DPH6: variants seen among roughly 807,000 people sequenced by gnomAD.
The protein encoded by DPH6 is diphthine--ammonia ligase.
In DPH6, 33 loss-of-function variants were observed where a neutral mutation model predicts 38.2. The ratio of observed to expected loss-of-function variants is 0.86; its 90% CI spans 0.65 to 1.15. The LOEUF is 1.15. DPH6 is among the 50% of genes most tolerant of loss of function. The probability of loss-of-function intolerance (pLI) is 0.00; values close to 1 mark genes in which losing one functional copy is unlikely to be tolerated. For missense variants in DPH6, 325 were observed against 320.0 expected (o/e 1.02, Z -0.12); for synonymous variants, 108 against 103.0 (o/e 1.05, Z -0.30).
chr15:35,398,265 G>A (rs1470899218), intron 6 of DPH6, among the ~76,000 whole-genome samples: 21 of 152,160 alleles, frequency 1.4e-4, no homozygotes. Context: ...CTAATGAGGT[G>A]ACCCTTGGTG....
the DPH6 span, among the ~76,000 whole-genome samples, chr15:35,159,391 G>T: frequency 1.3e-4 from 20 of 151,868 alleles, no homozygotes; most frequent in Admixed American, 1.3e-3. Flanking sequence ...AATGCAGGCT[G>T]CAGTATCTCT....
At chr15:35,480,961 A>G (rs1467683529) in intron 3 of DPH6, among the ~76,000 whole-genome samples, 2 of 119,856 alleles carry the variant, frequency 1.7e-5, no homozygotes, top group Non-Finnish European at 3.4e-5. Flanking sequence ...ACATACAACC[A>G]TATGTGGGGT....
the DPH6 span, among the ~76,000 whole-genome samples, chr15:35,190,928 C>G: frequency 6.6e-6 from 1 of 152,074 alleles, no homozygotes; most frequent in Non-Finnish European, 1.5e-5. Flanking sequence ...AAAATTTCAC[C>G]TTGCAGTGGG....
chr15:35,478,829 T>C (rs1414517693), intron 3 of DPH6, among the ~76,000 whole-genome samples: 12 of 152,024 alleles, frequency 7.9e-5, no homozygotes, highest in Non-Finnish European at 1.5e-5. Context: ...AATTATTAGA[T>C]AGATAGGCTG....
chr15:35,227,284 T>C (rs113452782), intron 3 of DPH6, among the ~76,000 whole-genome samples: 39,894 of 146,836 alleles, frequency 0.27, 5,696 homozygotes, highest in African/African-American at 0.37. Flanking sequence ...CCCGGGTTCA[T>C]GCCATTCTCC....
At chr15:35,421,840 T>A (rs1004466673) in intron 5 of DPH6, among the ~76,000 whole-genome samples, 1 of 152,072 alleles carries the variant, frequency 6.6e-6, no homozygotes, top group Non-Finnish European at 1.5e-5. Context: ...TCTGAAAAGA[T>A]CATTCCAGCT....
intron 5 of DPH6, among the ~76,000 whole-genome samples, chr15:35,412,407 T>G (rs2053378512): frequency 1.3e-5 from 2 of 151,708 alleles, no homozygotes; most frequent in African/African-American, 4.8e-5. Context: ...ACAGTCACTT[T>G]GTAAGACAGT....
At chr15:35,237,507 C>T (rs921828621) in intron 3 of DPH6, 7 of 1,559,678 alleles carry the variant, frequency 4.5e-6, no homozygotes, top group African/African-American at 1.4e-5. Flanking sequence ...GCAAACTTAC[C>T]GAAGTTAAAC....
intron 3 of DPH6, among the ~76,000 whole-genome samples, chr15:35,283,284 C>A (rs2051915124): frequency 6.7e-6 from 1 of 149,826 alleles, no homozygotes; most frequent in African/African-American, 2.5e-5. Flanking sequence ...TCTTCCTCTT[C>A]TTCTTCCTCC....
chr15:35,175,272 A>T, the DPH6 span, among the ~76,000 whole-genome samples: 1 of 152,226 alleles, frequency 6.6e-6, no homozygotes, highest in African/African-American at 2.4e-5. Context: ...TTCAATTCAC[A>T]TGCTCAATTT....
the DPH6 span, among the ~76,000 whole-genome samples, chr15:35,199,527 T>C: frequency 3.9e-5 from 6 of 152,084 alleles, no homozygotes; most frequent in Admixed American, 6.6e-5. Context: ...TTAAGAAAAA[T>C]TGAGACTACA....
At chr15:35,237,687 T>C (rs1239964418) in intron 3 of DPH6, 8 of 1,613,384 alleles carry the variant, frequency 5.0e-6, no homozygotes, top group East Asian at 2.2e-5. Flanking sequence ...TTAGACCTTT[T>C]CAATTGCGAG....
At chr15:35,155,595 G>A in the DPH6 span, among the ~76,000 whole-genome samples, 7 of 152,322 alleles carry the variant, frequency 4.6e-5, no homozygotes, top group Non-Finnish European at 4.4e-5. Flanking sequence ...GCCTTGCATT[G>A]TGCTAGCCAC....
the DPH6 span, among the ~76,000 whole-genome samples, chr15:35,191,084 GT>G: frequency 6.6e-6 from 1 of 152,098 alleles, no homozygotes; most frequent in Non-Finnish European, 1.5e-5. Context: ...TCTTTTAATA[GT>G]TTGTTCTAAA....
intron 3 of DPH6, chr15:35,238,066 G>A (rs752250210): frequency 1.9e-6 from 3 of 1,556,958 alleles, no homozygotes; most frequent in East Asian, 4.5e-5. Context: ...ATGACTAAGT[G>A]GAATAACCTA....
chr15:35,213,166 C>G (rs567018435), downstream of DPH6, among the ~76,000 whole-genome samples: 1 of 152,308 alleles, frequency 6.6e-6, no homozygotes, highest in African/African-American at 2.4e-5. Flanking sequence ...CCTGTAATTA[C>G]ATGATTCTTT....
intron 3 of DPH6, among the ~76,000 whole-genome samples, chr15:35,311,204 TA>T (rs1172408757): frequency 1.3e-5 from 2 of 152,142 alleles, no homozygotes; most frequent in African/African-American, 2.4e-5. Flanking sequence ...TAGTACTCAA[TA>T]AACATTAGGT....
At position 35,500,812 on chromosome 15, in the gene DPH6, G is replaced by A. The variant is rs199499874; in HGVS notation, c.312+37462C>T. ...TTTTGAGATAGAGTCTCACTCTGTCGCAGTGGCATAATCTTGGCTCACTGC... is the reference window on the plus strand; with the variant it reads ...TTTTGAGATAGAGTCTCACTCTGTCACAGTGGCATAATCTTGGCTCACTGC... On this transcript the variant is annotated intron_variant, in intron 3 of 8. Coordinates refer to ENST00000256538, the MANE Select transcript of DPH6 (RefSeq NM_080650.4). Among the ~76,000 whole-genome samples the A allele has an allele frequency of 2.6e-3, 400 of 152,160 alleles. 5 individuals are homozygous for A. The highest frequency in any genetic ancestry group is 9.1e-3 in the African/African-American group (380 of 41,544).
intron 4 of DPH6, among the ~76,000 whole-genome samples, chr15:35,451,670 C>G (rs902406591): frequency 6.6e-6 from 1 of 152,144 alleles, no homozygotes; most frequent in Non-Finnish European, 1.5e-5. Flanking sequence ...TCCACCCTCA[C>G]CCTTTTAAAA....
Sources: gnomAD v4.1 joint callset for allele counts (sites outside exome capture counted in the v4.1 genomes callset) on GRCh38, gnomAD v4.1.1 for gene constraint, MANE v1.5 for transcripts, NCBI Gene and HGNC (gene_info 2026-07-23, HGNC 2026-07-21) for gene names.